CSNK1G1: variants seen among roughly 807,000 people sequenced by gnomAD.
CSNK1G1 encodes casein kinase I isoform gamma-1.
CSNK1G1 carries 22 observed loss-of-function variants against 59.6 expected under a neutral mutation model. That is an observed-to-expected ratio of 0.37 (90% CI 0.26 to 0.53). CSNK1G1 has a LOEUF of 0.53. Among genes scored for constraint, CSNK1G1 ranks in the 20% least tolerant of loss-of-function variants. CSNK1G1 has a pLI of 0.89. For missense variants in CSNK1G1, 384 were observed against 519.5 expected (o/e 0.74, Z 2.54); for synonymous variants, 179 against 177.1 (o/e 1.01, Z -0.08).
chr15:64,181,504 C>A lies in CSNK1G1; in HGVS notation c.1108-1050G>T, dbSNP rs2081813125. 18 of 1,331,270 alleles carry A rather than the reference C, an allele frequency of 1.4e-5. No homozygotes were observed. In the African/African-American group the frequency reaches 1.6e-4, roughly 12 times the overall value. The allele number at this position is 1,331,270 out of a possible 1,614,324, so 82.5% of individuals were successfully genotyped here. ...TATGCCCTTGGATAAGTACTTCCAT[C>A]TATTTGAGATTGTTTCTTATAGGTT... On this transcript the variant is annotated intron_variant, in intron 10 of 11. Transcript: ENST00000303052.
intron 1 of CSNK1G1, among the ~76,000 whole-genome samples, chr15:64,303,249 AAAAC>A (rs1895461919): frequency 6.7e-6 from 1 of 149,682 alleles, no homozygotes; most frequent in South Asian, 2.1e-4. Context: ...TCTAAAAAAA[AAAAC>A]AAAAAAAAAA....
chr15:64,272,048 T>C (rs767760869), intron 2 of CSNK1G1, among the ~76,000 whole-genome samples: 43 of 152,304 alleles, frequency 2.8e-4, no homozygotes, highest in Non-Finnish European at 5.7e-4. Context: ...AAAGTCTGTT[T>C]TGTCTGAAAT....
At position 64,218,037 on chromosome 15, in the gene CSNK1G1, C is replaced by T. The variant is rs117630993; in HGVS notation, c.293-1324G>A. 2.6e-3 allele frequency among the ~76,000 whole-genome samples: 399 copies of T among 151,436 alleles called. 3 individuals are homozygous for T. The highest frequency in any genetic ancestry group is 4.5e-3 in the Admixed American group (69 of 15,212). ...ATCTCGGCTCGCAATCTCTGCCTCC[C>T]GGACTAACGCGATCTTCCCAGCTCA... is the stretch of plus-strand genomic sequence containing the variant. On this transcript the variant is annotated intron_variant, in intron 4 of 11. Transcript: ENST00000303052.
chr15:64,203,237 GATGCAT>G, intron 9 of CSNK1G1, 48 bp from the exon 10 acceptor site: 3 of 1,141,880 alleles, frequency 2.6e-6, no homozygotes, highest in Non-Finnish European at 4.0e-6. Flanking sequence ...GGTCCAACTT[GATGCAT>G]ATGCAAAGGA....
chr15:64,221,770 G>T (rs1275091883), intron 4 of CSNK1G1, among the ~76,000 whole-genome samples: 3 of 151,886 alleles, frequency 2.0e-5, no homozygotes, highest in African/African-American at 4.8e-5. Flanking sequence ...AAAAAGTCAG[G>T]AAACAACAGA....
chr15:64,331,929 A>G (rs1238175169), intron 1 of CSNK1G1, among the ~76,000 whole-genome samples: 1 of 150,760 alleles, frequency 6.6e-6, no homozygotes, highest in African/African-American at 2.4e-5. Context: ...AAAAATGCTC[A>G]TCATCACTGG....
intron 1 of CSNK1G1, among the ~76,000 whole-genome samples, chr15:64,309,634 G>A (rs898235081): frequency 3.3e-5 from 5 of 152,134 alleles, no homozygotes; most frequent in African/African-American, 1.2e-4. Flanking sequence ...TACATAAGAA[G>A]GGCATTGTAA....
At chr15:64,279,856 C>T (rs1470770229) in intron 2 of CSNK1G1, among the ~76,000 whole-genome samples, 1 of 151,710 alleles carries the variant, frequency 6.6e-6, no homozygotes, top group African/African-American at 2.4e-5. Context: ...CCTGTAGTCC[C>T]AGCTACTCGG....
intron 1 of CSNK1G1, among the ~76,000 whole-genome samples, chr15:64,318,794 A>G (rs1772480058): frequency 6.6e-6 from 1 of 151,688 alleles, no homozygotes; most frequent in Non-Finnish European, 1.5e-5. Context: ...TATTTTTAGT[A>G]GAGACGAGGT....
chr15:64,308,287 C>T (rs955986248), intron 1 of CSNK1G1, among the ~76,000 whole-genome samples: 4 of 151,678 alleles, frequency 2.6e-5, no homozygotes, highest in Non-Finnish European at 4.4e-5. Flanking sequence ...TTTGTAGAGA[C>T]GAGGTCTCAC....
chr15:64,283,193 A>T (rs893321744), intron 2 of CSNK1G1, among the ~76,000 whole-genome samples: 5 of 151,312 alleles, frequency 3.3e-5, no homozygotes, highest in Non-Finnish European at 1.5e-5. Flanking sequence ...AGTGACCATT[A>T]AAAAAAAATC....
intron 11 of CSNK1G1, among the ~76,000 whole-genome samples, chr15:64,174,706 C>T (rs2081720624): frequency 6.6e-6 from 1 of 152,250 alleles, no homozygotes; most frequent in Admixed American, 6.5e-5. Context: ...CTCTGACCCA[C>T]TACCTTTTCC....
At chr15:64,228,134 G>A (rs1481189360) in intron 4 of CSNK1G1, among the ~76,000 whole-genome samples, 1 of 151,738 alleles carries the variant, frequency 6.6e-6, no homozygotes, top group Non-Finnish European at 1.5e-5. Flanking sequence ...TTTAAAATCA[G>A]CTCCACAAAC....
intron 2 of CSNK1G1, among the ~76,000 whole-genome samples, chr15:64,262,532 C>G (rs1892750358): frequency 6.6e-6 from 1 of 152,074 alleles, no homozygotes; most frequent in Non-Finnish European, 1.5e-5. Context: ...TGGGAAGAAA[C>G]AGAAGAAAAG....
intron 1 of CSNK1G1, among the ~76,000 whole-genome samples, chr15:64,346,434 AT>A (rs1193869005): frequency 5.0e-5 from 7 of 140,460 alleles, no homozygotes; most frequent in African/African-American, 1.7e-4. Flanking sequence ...TTATTTATTT[AT>A]TTATTTATTT....
chr15:64,221,976 T>C (rs1327765600), intron 4 of CSNK1G1, among the ~76,000 whole-genome samples: 3 of 152,068 alleles, frequency 2.0e-5, no homozygotes, highest in African/African-American at 4.8e-5. Context: ...CACATGCACA[T>C]GTATGTTTAC....
chr15:64,229,749 T>G (rs2140289079), intron 4 of CSNK1G1, among the ~76,000 whole-genome samples: 1 of 152,010 alleles, frequency 6.6e-6, no homozygotes, highest in East Asian at 1.9e-4. Context: ...GCTTTTGACT[T>G]CTCAGTTCTG....
At chr15:64,232,799 C>T (rs889184429) in intron 4 of CSNK1G1, among the ~76,000 whole-genome samples, 8 of 151,906 alleles carry the variant, frequency 5.3e-5, no homozygotes, top group African/African-American at 1.5e-4. Flanking sequence ...TGTGAGAATA[C>T]GGATGGAAGA....
chr15:64,285,074 G>A (rs368583517), intron 2 of CSNK1G1, among the ~76,000 whole-genome samples: 2 of 151,886 alleles, frequency 1.3e-5, no homozygotes, highest in East Asian at 3.9e-4. Flanking sequence ...AAGCTACAGA[G>A]GAAGATACAT....
Sources: gnomAD v4.1 joint callset for allele counts (sites outside exome capture counted in the v4.1 genomes callset) on GRCh38, gnomAD v4.1.1 for gene constraint, MANE v1.5 for transcripts, NCBI Gene and HGNC (gene_info 2026-07-23, HGNC 2026-07-21) for gene names.